Variants in KCNIP4 observed in about 807,000 individuals in gnomAD.
KCNIP4 encodes Kv channel-interacting protein 4.
In KCNIP4, 12 loss-of-function variants were observed where a neutral mutation model predicts 34.0. The ratio of observed to expected loss-of-function variants is 0.35; its 90% CI spans 0.23 to 0.57. The LOEUF (loss-of-function observed/expected upper bound fraction) is 0.57, where lower values mean the gene tolerates loss of function less well. KCNIP4 is among the 20% of genes least tolerant of loss of function. KCNIP4 has a pLI of 0.83. For synonymous variants in KCNIP4, 124 were observed against 102.2 expected (o/e 1.21, Z -1.29); for missense variants, 238 against 311.7 (o/e 0.76, Z 1.78).
chr4:20,938,730 A>G (rs1731331144), intron 1 of KCNIP4, among the ~76,000 whole-genome samples: 1 of 152,184 alleles, frequency 6.6e-6, no homozygotes, highest in Non-Finnish European at 1.5e-5. Context: ...AAAACAAAGA[A>G]ACAACACCTC....
chr4:21,517,941 T>C (rs1734897682), intron 1 of KCNIP4, among the ~76,000 whole-genome samples: 1 of 152,166 alleles, frequency 6.6e-6, no homozygotes, highest in Non-Finnish European at 1.5e-5. Flanking sequence ...GATGTTATCC[T>C]ATTTATTCCA....
At chr4:20,965,300 C>A (rs960039001) in intron 1 of KCNIP4, among the ~76,000 whole-genome samples, 1 of 152,152 alleles carries the variant, frequency 6.6e-6, no homozygotes, top group African/African-American at 2.4e-5. Flanking sequence ...AGCAGTACTT[C>A]TGTGGTTTTC....
intron 1 of KCNIP4, chr4:21,843,649 C>A (rs1314799185): frequency 6.6e-6 from 1 of 152,008 alleles, no homozygotes; most frequent in Non-Finnish European, 1.5e-5. Flanking sequence ...AGTTTATTTC[C>A]ATTAGATCAC....
At chr4:21,720,163 G>T (rs1714702747) in intron 1 of KCNIP4, among the ~76,000 whole-genome samples, 2 of 151,998 alleles carry the variant, frequency 1.3e-5, no homozygotes, top group African/African-American at 4.8e-5. Context: ...AATCTTAAAG[G>T]CTCCATTGAA....
At chr4:21,681,898 AT>A (rs201979699) in intron 1 of KCNIP4, among the ~76,000 whole-genome samples, 2 of 150,134 alleles carry the variant, frequency 1.3e-5, no homozygotes, top group Admixed American at 1.3e-4. Context: ...TTATTTATTT[AT>A]TTTTTTTGAG....
intron 1 of KCNIP4, chr4:20,916,209 C>T (rs1338980067): frequency 4.4e-6 from 2 of 449,972 alleles, no homozygotes; most frequent in South Asian, 9.4e-5. Flanking sequence ...ATAAAATGAC[C>T]CCTAACTCTC....
At chr4:21,526,529 C>G (rs1364959193) in intron 1 of KCNIP4, among the ~76,000 whole-genome samples, 1 of 151,872 alleles carries the variant, frequency 6.6e-6, no homozygotes, top group Non-Finnish European at 1.5e-5. Context: ...AGTTATGCAC[C>G]TTTCCTTGAT....
chr4:21,732,868 C>A (rs564679426), intron 1 of KCNIP4, among the ~76,000 whole-genome samples: 2 of 152,260 alleles, frequency 1.3e-5, no homozygotes, highest in African/African-American at 4.8e-5. Context: ...TTAAAAGATT[C>A]ATACCTACTC....
At chr4:21,468,633 A>G (rs189772065) in intron 1 of KCNIP4, among the ~76,000 whole-genome samples, 1 of 152,230 alleles carries the variant, frequency 6.6e-6, no homozygotes, top group East Asian at 1.9e-4. Flanking sequence ...ATTTGGTGTC[A>G]CCCAGAGAAA....
At chr4:21,614,012 G>A (rs148870285) in intron 1 of KCNIP4, among the ~76,000 whole-genome samples, 1,862 of 151,922 alleles carry the variant, frequency 0.012, 13 homozygotes, top group Non-Finnish European at 0.016. Context: ...TTAGCCAGGC[G>A]TGGTAGCATG....
chr4:21,202,233 G>T (rs557154687), intron 1 of KCNIP4, among the ~76,000 whole-genome samples: 44 of 152,322 alleles, frequency 2.9e-4, no homozygotes, highest in African/African-American at 9.9e-4. Context: ...ATACACCATG[G>T]AATACTATGC....
chr4:20,735,910 G>A lies in KCNIP4; in HGVS notation c.430-1175C>T, dbSNP rs1017842226. Among the ~76,000 whole-genome samples, 7 of 152,138 alleles carry A rather than the reference G, an allele frequency of 4.6e-5. No individual in the cohort carries two copies. The East Asian group carries it at 1.3e-3, about 29-fold the overall frequency. On this transcript the variant is annotated intron_variant, in intron 5 of 8. Coordinates refer to ENST00000382152, the MANE Select transcript of KCNIP4 (RefSeq NM_025221.6). ...TCAGTTTATAATCCACTTTTAGGTA[G>A]GAATGAAAGCAGAGGGGAAATCCAA...
chr4:20,882,650 A>G lies in KCNIP4; in HGVS notation c.121T>C (p.Leu41=). 1.2e-6 allele frequency: 2 copies of G among 1,613,754 alleles called. No homozygotes were observed. The highest frequency in any genetic ancestry group is 2.7e-5 in the African/African-American group (2 of 75,022). ...GACGTTTTGGCAGCTGAGCAGGGCA[A>G]GAGCTTCATGAGCCGCTCTTTAATG... ...RSIKERLMKL[L]PCSAAKTSSP... is the part of the protein sequence containing the mutation. Residue 41 remains leucine (L), a synonymous_variant, in exon 2 of 9, where the codon TTG becomes CTG. Coordinates refer to ENST00000382152, the MANE Select transcript of KCNIP4 (RefSeq NM_025221.6).
At chr4:21,562,422 T>C (rs1739547991) in intron 1 of KCNIP4, among the ~76,000 whole-genome samples, 1 of 151,998 alleles carries the variant, frequency 6.6e-6, no homozygotes, top group African/African-American at 2.4e-5. Context: ...GCACATTACA[T>C]CTAAATGGTC....
At chr4:21,362,067 A>C (rs568808971) in intron 1 of KCNIP4, among the ~76,000 whole-genome samples, 1 of 152,252 alleles carries the variant, frequency 6.6e-6, no homozygotes, top group African/African-American at 2.4e-5. Context: ...GCAAGAATGA[A>C]GAGGAGAGGG....
chr4:21,837,490 C>T lies in KCNIP4; in HGVS notation c.61+111081G>A, dbSNP rs1317127218. On this transcript the variant is annotated intron_variant, in intron 1 of 8. Transcript: ENST00000382152. Reference sequence around the variant, plus strand: ...TGGAGGTTGCAGTGAGCTGAGATAGCGCCATTGCACTCCAGCCTGGGCAAC... The same window carrying T: ...TGGAGGTTGCAGTGAGCTGAGATAGTGCCATTGCACTCCAGCCTGGGCAAC... 1.6e-4 allele frequency among the ~76,000 whole-genome samples: 22 copies of T among 135,290 alleles called. No homozygotes were observed. In the East Asian group the frequency reaches 3.4e-3, roughly 21 times the overall value. The allele number at this position is 135,290 out of a possible 152,430, so 88.8% of individuals were successfully genotyped here.
At chr4:21,025,884 G>A (rs928036141) in intron 1 of KCNIP4, among the ~76,000 whole-genome samples, 1 of 152,026 alleles carries the variant, frequency 6.6e-6, no homozygotes, top group Non-Finnish European at 1.5e-5. Flanking sequence ...TTATTTTAAT[G>A]ATTTAATAAC....
At chr4:21,372,027 G>A (rs1720495184) in intron 1 of KCNIP4, among the ~76,000 whole-genome samples, 1 of 146,888 alleles carries the variant, frequency 6.8e-6, no homozygotes, top group Non-Finnish European at 1.5e-5. Context: ...TATTTTATAA[G>A]CCACAATGTG....
At position 21,347,728 on chromosome 4, in the gene KCNIP4, C is replaced by A. The variant is rs546385072; in HGVS notation, c.62-465019G>T. ...ACATTATTTTTATCAGCAGCAGCATCTTTTTGTAATGTGACAGCATTTTCC... is the reference window on the plus strand; with the variant it reads ...ACATTATTTTTATCAGCAGCAGCATATTTTTGTAATGTGACAGCATTTTCC... On this transcript the variant is annotated intron_variant, in intron 1 of 8. Transcript: ENST00000382152. Among the ~76,000 whole-genome samples, 12 of 152,318 alleles carry A rather than the reference C, an allele frequency of 7.9e-5. 1 individual carries two copies. The highest frequency in any genetic ancestry group is 2.9e-4 in the African/African-American group (12 of 41,582).
Sources: gnomAD v4.1 joint callset for allele counts (sites outside exome capture counted in the v4.1 genomes callset) on GRCh38, gnomAD v4.1.1 for gene constraint, MANE v1.5 for transcripts, NCBI Gene and HGNC (gene_info 2026-07-23, HGNC 2026-07-21) for gene names.